GRIN2B: variants seen among roughly 807,000 people sequenced by gnomAD.
GRIN2B encodes glutamate receptor ionotropic, NMDA 2B.
In GRIN2B, 5 loss-of-function variants were observed where a neutral mutation model predicts 114.5. That is an observed-to-expected ratio of 0.04 (90% CI 0.02 to 0.09). GRIN2B has a LOEUF of 0.09. Among genes scored for constraint, GRIN2B ranks in the 10% least tolerant of loss-of-function variants. GRIN2B has a pLI of 1.00. For synonymous variants in GRIN2B, 787 were observed against 745.1 expected (o/e 1.06, Z -0.92); for missense variants, 1,108 against 1,943.5 (o/e 0.57, Z 8.08).
In GRIN2B at chr12:13,928,557, T is replaced by C. The variant is rs191771291; in HGVS notation, c.-19+51371A>G. ...TATAAAAACAGAACAGTTATAAAAG[T>C]ATAAGGATAAACTTGTAAGAAAAGT... On this transcript the variant is annotated intron_variant, in intron 2 of 13. Transcript: ENST00000609686. Among the ~76,000 whole-genome samples, 608 of 152,194 alleles carry C rather than the reference T, an allele frequency of 4.0e-3. 3 individuals are homozygous for C. The highest frequency in any genetic ancestry group is 0.014 in the African/African-American group (590 of 41,530).
At chr12:13,602,145 C>A (rs545974061) in intron 10 of GRIN2B, among the ~76,000 whole-genome samples, 7 of 152,280 alleles carry the variant, frequency 4.6e-5, no homozygotes, top group Admixed American at 1.3e-4. Flanking sequence ...GTCCTCCCCC[C>A]TCTCATGTGC....
Position 13,550,922 on chromosome 12 carries a change from TA to T in GRIN2B, c.*11860del, listed in dbSNP as rs1948403507. The T allele has an allele frequency of 6.6e-6, 1 of 152,086 alleles. No homozygotes were observed. The highest frequency in any genetic ancestry group is 2.4e-5 in the African/African-American group (1 of 41,404). 9.4% of individuals were successfully genotyped at this position (152,086 alleles called of 1,614,324 possible). A position where few individuals can be genotyped will look rare whatever the true frequency, so the allele number is the denominator to read the frequency against. The stretch of plus-strand genomic sequence containing the variant: ...AGATGAATAAATTGAGAAAGAGAAG[TA>T]AAGAATGCAAGAGATGAAAAGTTAG... On this transcript the variant is annotated 3_prime_UTR_variant, in exon 14 of 14. Transcript: ENST00000609686.
chr12:13,624,820 T>G (rs74067238), intron 5 of GRIN2B, among the ~76,000 whole-genome samples: 3,344 of 152,242 alleles, frequency 0.022, 131 homozygotes, highest in African/African-American at 0.076. Context: ...CCAGGCCCCC[T>G]CAGCGCTGTG....
At chr12:13,707,327 C>T (rs771005396) in intron 4 of GRIN2B, among the ~76,000 whole-genome samples, 9 of 152,204 alleles carry the variant, frequency 5.9e-5, no homozygotes, top group South Asian at 2.1e-4. Context: ...AACTCTTTAA[C>T]GGATATTTTA....
intron 2 of GRIN2B, among the ~76,000 whole-genome samples, chr12:13,877,838 G>A (rs1012347045): frequency 7.9e-5 from 12 of 152,070 alleles, no homozygotes; most frequent in African/African-American, 1.9e-4. Context: ...GGAAGCAGGC[G>A]GATCACTTGA....
chr12:13,562,924 C>T lies in GRIN2B; in HGVS notation c.4314G>A (p.Val1438=), dbSNP rs1384732217. 1 of 1,614,234 alleles carries T rather than the reference C, an allele frequency of 6.2e-7. No individual in the cohort carries two copies. The highest frequency in any genetic ancestry group is 1.3e-5 in the African/African-American group (1 of 75,056). Residue 1438 remains valine, a synonymous_variant, in exon 14 of 14, where the codon GTG becomes GTA. Coordinates refer to ENST00000609686, the MANE Select transcript of GRIN2B (RefSeq NM_000834.5). ...KPVVSALHGA[V]PARFQKDICI... is the part of the protein sequence containing the mutation. ...AGATGTCCTTCTGGAAACGGGCTGGCACGGCCCCATGAAGGGCCGAGACCA... is the reference window on the plus strand; with the variant it reads ...AGATGTCCTTCTGGAAACGGGCTGGTACGGCCCCATGAAGGGCCGAGACCA...
intron 4 of GRIN2B, among the ~76,000 whole-genome samples, chr12:13,724,475 C>T (rs548269012): frequency 3.6e-4 from 54 of 152,090 alleles, no homozygotes; most frequent in African/African-American, 1.3e-3. Context: ...TATAGGCATT[C>T]CTAATATACT....
rs1048567475 is a variant in GRIN2B, at chr12:13,834,196, A to G, written c.411+31602T>C. Among the ~76,000 whole-genome samples, 74 of 105,788 alleles carry G rather than the reference A, an allele frequency of 7.0e-4. 1 individual carries two copies. Among genetic ancestry groups the G allele is most frequent in the African/African-American group, 2.3e-3 (67 of 28,966 alleles). The allele number at this position is 105,788 out of a possible 152,430, so 69.4% of individuals were successfully genotyped here. A position where few individuals can be genotyped will look rare whatever the true frequency, so the allele number is the denominator to read the frequency against. ...CAGGTGCCCACCACCACGCCTGGCT[A>G]ATTTTTTTTTTTTTTTTTTTTTAGT... On this transcript the variant is annotated intron_variant, in intron 3 of 13. Transcript: ENST00000609686.
At chr12:13,782,241 G>C (rs1864128781) in intron 3 of GRIN2B, among the ~76,000 whole-genome samples, 1 of 151,992 alleles carries the variant, frequency 6.6e-6, no homozygotes, top group Non-Finnish European at 1.5e-5. Context: ...CCTGACAATG[G>C]GGGTCACACA....
chr12:13,693,182 A>G (rs1007606093), intron 4 of GRIN2B, among the ~76,000 whole-genome samples: 14 of 152,252 alleles, frequency 9.2e-5, no homozygotes, highest in African/African-American at 3.4e-4. Context: ...GAGAGATACT[A>G]TAGGAACTTA....
At chr12:13,756,092 A>T (rs1863570640) in intron 3 of GRIN2B, among the ~76,000 whole-genome samples, 1 of 152,120 alleles carries the variant, frequency 6.6e-6, no homozygotes, top group Non-Finnish European at 1.5e-5. Context: ...ATCTCAGCTC[A>T]CTGCAACCTC....
chr12:13,816,580 G>C (rs1171359018), intron 3 of GRIN2B, among the ~76,000 whole-genome samples: 2 of 152,018 alleles, frequency 1.3e-5, no homozygotes, highest in Admixed American at 6.6e-5. Context: ...CAGCAGACCT[G>C]GTTTCCATAG....
rs1406503739 is a variant in GRIN2B, at chr12:13,642,896, G to A, written c.1126-26239C>T. On this transcript the variant is annotated intron_variant, in intron 5 of 13. Transcript: ENST00000609686. ...GGGGCTTGGCTTTGGGTTTTGGGAC[G>A]TAGAGTTCTGAAATCTTTCCATTAT... is the stretch of plus-strand genomic sequence containing the variant. Among the ~76,000 whole-genome samples, 15 of 152,276 alleles carry A rather than the reference G, an allele frequency of 9.9e-5. No homozygotes were observed. In the South Asian group the frequency reaches 1.9e-3, roughly 19 times the overall value.
intron 2 of GRIN2B, among the ~76,000 whole-genome samples, chr12:13,928,635 A>G (rs1341521130): frequency 6.6e-6 from 1 of 152,246 alleles, no homozygotes; most frequent in Non-Finnish European, 1.5e-5. Context: ...TGTTCAAAAG[A>G]AAGTGATCCA....
At chr12:13,965,650 T>C (rs1297632087) in intron 2 of GRIN2B, among the ~76,000 whole-genome samples, 1 of 152,184 alleles carries the variant, frequency 6.6e-6, no homozygotes, top group East Asian at 1.9e-4. Context: ...ATACTTCTTG[T>C]TCTTATGAAG....
intron 4 of GRIN2B, among the ~76,000 whole-genome samples, chr12:13,736,814 G>A (rs1192160482): frequency 6.6e-6 from 1 of 152,062 alleles, no homozygotes; most frequent in Non-Finnish European, 1.5e-5. Flanking sequence ...GAGGTCAGGA[G>A]TTCAAGACCA....
intron 2 of GRIN2B, among the ~76,000 whole-genome samples, chr12:13,945,794 G>T (rs2136841198): frequency 6.6e-6 from 1 of 152,288 alleles, no homozygotes; most frequent in Non-Finnish European, 1.5e-5. Context: ...TCACCTGATT[G>T]ATTTCAGAGG....
chr12:13,628,621 T>C (rs903334582), intron 5 of GRIN2B, among the ~76,000 whole-genome samples: 17 of 152,192 alleles, frequency 1.1e-4, no homozygotes, highest in Non-Finnish European at 2.2e-4. Flanking sequence ...GCAAATTTCT[T>C]TGGAGCTAGA....
At position 13,538,994 on chromosome 12, in the gene GRIN2B, G is replaced by T. The variant is rs1948245424; in HGVS notation, c.*23789C>A. 1.3e-5 allele frequency: 2 copies of T among 151,888 alleles called. No homozygotes were observed. Among genetic ancestry groups the T allele is most frequent in the Non-Finnish European group, 2.9e-5 (2 of 67,984 alleles). The allele number at this position is 151,888 out of a possible 1,614,324, so 9.4% of individuals were successfully genotyped here. On this transcript the variant is annotated 3_prime_UTR_variant, in exon 14 of 14. Coordinates refer to ENST00000609686, the MANE Select transcript of GRIN2B (RefSeq NM_000834.5). ...CAGTTCTGTTGTCCAAAAAAAATTT[G>T]GGGTTTAAGGAAGTATCTCCAGAAG...
Sources: allele counts gnomAD v4.1 joint callset (sites outside exome capture counted in the v4.1 genomes callset), GRCh38; gene constraint gnomAD v4.1.1; transcripts MANE v1.5; gene names NCBI Gene and HGNC (gene_info 2026-07-23, HGNC 2026-07-21).